ARSG: variants seen among roughly 807,000 people sequenced by gnomAD.
ARSG encodes arylsulfatase G.
ARSG carries 37 observed loss-of-function variants against 50.5 expected under a neutral mutation model. That is an observed-to-expected ratio of 0.73 (90% CI 0.56 to 0.96). The LOEUF (loss-of-function observed/expected upper bound fraction) is 0.96, where lower values mean the gene tolerates loss of function less well. ARSG is among the 50% of genes least tolerant of loss of function. ARSG has a pLI of 0.00. For synonymous variants in ARSG, 225 were observed against 254.6 expected, an observed-to-expected ratio of 0.88 and a Z score of 1.11; for missense variants, 629 against 675.3, an observed-to-expected ratio of 0.93 and a Z score of 0.76.
intron 11 of ARSG, among the ~76,000 whole-genome samples, chr17:68,408,385 T>G (rs2081840733): frequency 6.6e-6 from 1 of 151,406 alleles, no homozygotes; most frequent in Admixed American, 6.6e-5. Context: ...TTTGGTTTTT[T>G]GTTCTTGCAA....
the ARSG span, among the ~76,000 whole-genome samples, chr17:68,441,721 A>G: frequency 2.0e-5 from 3 of 152,236 alleles, no homozygotes; most frequent in Non-Finnish European, 2.9e-5. Context: ...CCAGGCCACA[A>G]CCTCAGGTAA....
chr17:68,429,464 ACAGTGT>A, the ARSG span, among the ~76,000 whole-genome samples: 1 of 152,236 alleles, frequency 6.6e-6, no homozygotes, highest in Admixed American at 6.5e-5. Context: ...TGTTTTTAAG[ACAGTGT>A]CATTATAACC....
chr17:68,333,820 C>G (rs759052728), intron 2 of ARSG, among the ~76,000 whole-genome samples: 5 of 151,962 alleles, frequency 3.3e-5, no homozygotes, highest in African/African-American at 1.2e-4. Flanking sequence ...AGCTAGAACT[C>G]GATTTGGACA....
chr17:68,310,094 C>T (rs1168592738), intron 2 of ARSG, among the ~76,000 whole-genome samples: 1 of 151,856 alleles, frequency 6.6e-6, no homozygotes. Context: ...CTGCCTCAGC[C>T]TCCCGAGTAG....
At chr17:68,274,787 T>C (rs1017561597) in intron 1 of ARSG, among the ~76,000 whole-genome samples, 10 of 148,690 alleles carry the variant, frequency 6.7e-5, no homozygotes, top group Non-Finnish European at 1.3e-4. Context: ...TTTCTTTCTT[T>C]TTTTTTTTTT....
chr17:68,275,069 C>G (rs543647395), intron 1 of ARSG, among the ~76,000 whole-genome samples: 1 of 152,122 alleles, frequency 6.6e-6, no homozygotes, highest in Non-Finnish European at 1.5e-5. Flanking sequence ...CGTGAGCCAC[C>G]GCGCCCAGCC....
In ARSG at chr17:68,356,738, C is replaced by T. The variant is rs946963930; in HGVS notation, c.638C>T (p.Pro213Leu). Residue 213 changes from proline (P) to leucine (L), a missense_variant, in exon 6 of 12, where the codon CCG becomes CTG. Pro to Leu is a moderately conservative substitution (Grantham distance 98). Transcript: ENST00000621439. ...LYENLNIVEQ[P>L]VNLSSLAQKY... Reference sequence around the variant, plus strand: ...GAAAACCTCAACATTGTGGAGCAGCCGGTGAACTTGAGCAGCCTTGCCCAG... The same window carrying T: ...GAAAACCTCAACATTGTGGAGCAGCTGGTGAACTTGAGCAGCCTTGCCCAG... 6.8e-6 allele frequency: 11 copies of T among 1,614,064 alleles called. No homozygotes were observed. Among genetic ancestry groups the T allele is most frequent in the African/African-American group, 4.0e-5 (3 of 74,918 alleles).
At chr17:68,411,011 T>C (rs2081972895) in intron 11 of ARSG, among the ~76,000 whole-genome samples, 1 of 146,764 alleles carries the variant, frequency 6.8e-6, no homozygotes, top group South Asian at 2.1e-4. Flanking sequence ...GATTCTTCTC[T>C]CTTTTTTTCT....
rs113637401 is a variant in ARSG, at chr17:68,345,393, G to C, written c.406+1602G>C. ...CAGACTCAGCCCCTATGCTGCAGAA[G>C]TGGGGCTGGCTTCTTCTGGAGCTGA... On this transcript the variant is annotated intron_variant, in intron 3 of 11. Coordinates refer to ENST00000621439, the MANE Select transcript of ARSG (RefSeq NM_001267727.2). 2.2e-3 allele frequency among the ~76,000 whole-genome samples: 339 copies of C among 152,340 alleles called. 2 individuals carry two copies. The highest frequency in any genetic ancestry group is 7.8e-3 in the African/African-American group (325 of 41,568).
chr17:68,289,223 G>T (rs562457072), upstream of ARSG, among the ~76,000 whole-genome samples: 3 of 152,042 alleles, frequency 2.0e-5, no homozygotes, highest in Non-Finnish European at 2.9e-5. Context: ...GCTTGAGCCC[G>T]GGAGGTCGAG....
intron 1 of ARSG, among the ~76,000 whole-genome samples, chr17:68,266,089 CT>C (rs1242556330): frequency 1.3e-5 from 2 of 152,170 alleles, no homozygotes; most frequent in Non-Finnish European, 1.5e-5. Context: ...AACTATTTGC[CT>C]TTATGACTTT....
At chr17:68,324,403 C>T (rs1172099914) in intron 2 of ARSG, among the ~76,000 whole-genome samples, 1 of 152,176 alleles carries the variant, frequency 6.6e-6, no homozygotes, top group Admixed American at 6.5e-5. Context: ...AGGACCTTCC[C>T]AGCCAAAGAC....
intron 1 of ARSG, among the ~76,000 whole-genome samples, chr17:68,279,447 G>A (rs1465606442): frequency 6.6e-6 from 1 of 152,130 alleles, no homozygotes; most frequent in Non-Finnish European, 1.5e-5. Context: ...TCTTCTGGGA[G>A]TTTGTTAAGC....
At chr17:68,361,762 C>T (rs1412052697) in intron 6 of ARSG, among the ~76,000 whole-genome samples, 1 of 151,920 alleles carries the variant, frequency 6.6e-6, no homozygotes, top group African/African-American at 2.4e-5. Context: ...ATTAAAGATA[C>T]AAAAATTAGC....
At chr17:68,346,400 C>T (rs1394983396) in intron 3 of ARSG, among the ~76,000 whole-genome samples, 2 of 152,200 alleles carry the variant, frequency 1.3e-5, no homozygotes, top group Admixed American at 1.3e-4. Context: ...CCGTTAATCT[C>T]TCGTTTGAGC....
At chr17:68,274,217 G>A in intron 1 of ARSG, 3 of 779,912 alleles carry the variant, frequency 3.8e-6, no homozygotes, top group Non-Finnish European at 5.9e-6. Flanking sequence ...TGTAATCCCA[G>A]CACTTTGGGA....
chr17:68,320,015 G>T (rs988906131), intron 2 of ARSG, among the ~76,000 whole-genome samples: 12 of 152,218 alleles, frequency 7.9e-5, no homozygotes, highest in African/African-American at 1.7e-4. Flanking sequence ...GGCTGGGTGC[G>T]GTGGCTGACG....
chr17:68,263,725 C>T (rs2075108757), intron 1 of ARSG, among the ~76,000 whole-genome samples: 1 of 152,170 alleles, frequency 6.6e-6, no homozygotes, highest in Non-Finnish European at 1.5e-5. Context: ...GCTGGGATTA[C>T]AGGGATGAGC....
chr17:68,437,016 ATGTG>A, the ARSG span, among the ~76,000 whole-genome samples: 7 of 144,662 alleles, frequency 4.8e-5, no homozygotes, highest in East Asian at 1.4e-3. Context: ...ATATATATAT[ATGTG>A]TGTGTGTGTG....
Sources: allele counts gnomAD v4.1 joint callset (sites outside exome capture counted in the v4.1 genomes callset), GRCh38; gene constraint gnomAD v4.1.1; transcripts MANE v1.5; gene names NCBI Gene and HGNC (gene_info 2026-07-23, HGNC 2026-07-21).